The following UBE3C variants were observed in gnomAD, a reference collection of about 807,000 sequenced individuals.
UBE3C encodes ubiquitin protein ligase E3C.
A neutral mutation model predicts 129.4 loss-of-function variants in UBE3C; 42 were observed. The ratio of observed to expected loss-of-function variants is 0.32; its 90% CI spans 0.25 to 0.42. UBE3C has a LOEUF of 0.42. UBE3C is among the 10% of genes least tolerant of loss of function. The probability of loss-of-function intolerance (pLI) is 1.00; values close to 1 mark genes in which losing one functional copy is unlikely to be tolerated. For missense variants in UBE3C, 1,049 were observed against 1,319.1 expected (o/e 0.80, Z 3.17); for synonymous variants, 510 against 492.4 (o/e 1.04, Z -0.47).
At chr7:157,230,904 G>A (rs1443832421) in intron 17 of UBE3C, among the ~76,000 whole-genome samples, 176 bp from the exon 18 acceptor site, 1 of 152,122 alleles carries the variant, frequency 6.6e-6, no homozygotes, top group Non-Finnish European at 1.5e-5. Context: ...CAGCCTGGGT[G>A]ACGGAGCAAG....
chr7:157,177,567 G>A (rs547225250), intron 5 of UBE3C, among the ~76,000 whole-genome samples: 49 of 152,326 alleles, frequency 3.2e-4, no homozygotes, highest in African/African-American at 9.9e-4. Context: ...GCGTCCCAGC[G>A]GCTTGTTATG....
chr7:157,142,549 G>A (rs550734189), intron 1 of UBE3C, among the ~76,000 whole-genome samples: 8 of 152,288 alleles, frequency 5.3e-5, no homozygotes, highest in African/African-American at 1.9e-4. Context: ...GGTGGAAGAC[G>A]AGAAGGCATT....
intron 1 of UBE3C, among the ~76,000 whole-genome samples, chr7:157,147,567 T>TA (rs1331355578): frequency 2.0e-5 from 3 of 152,228 alleles, no homozygotes; most frequent in African/African-American, 7.2e-5. Context: ...TTTATTGTCT[T>TA]ACTGCATTAG....
rs1212354476 is a variant in UBE3C, at chr7:157,178,862, G to A, written c.616+15G>A. 2 of 1,611,654 alleles carry A rather than the reference G, an allele frequency of 1.2e-6. No individual in the cohort carries two copies. Among genetic ancestry groups the A allele is most frequent in the Admixed American group, 3.3e-5 (2 of 59,962 alleles). On this transcript the variant is annotated intron_variant, in intron 6 of 22. Transcript: ENST00000348165. ...GATTCACAATGGTAAGTAGTAGGCAGGATCAGAACTGTGGCTCAGCATCCT... is the reference window on the plus strand; with the variant it reads ...GATTCACAATGGTAAGTAGTAGGCAAGATCAGAACTGTGGCTCAGCATCCT...
chr7:157,218,295 A>G (rs1022742545), intron 14 of UBE3C, among the ~76,000 whole-genome samples: 1 of 152,098 alleles, frequency 6.6e-6, no homozygotes, highest in Non-Finnish European at 1.5e-5. Flanking sequence ...AAATAAAAAA[A>G]TTAGCCAGGC....
intron 16 of UBE3C, 137 bp downstream of exon 16, chr7:157,223,488 T>C: frequency 1.5e-6 from 1 of 668,300 alleles, no homozygotes; most frequent in Non-Finnish European, 2.4e-6. Flanking sequence ...TAGGCTGAAA[T>C]AGCTAAGAAT....
At chr7:157,202,794 A>G (rs568045150) in intron 11 of UBE3C, among the ~76,000 whole-genome samples, 1 of 152,390 alleles carries the variant, frequency 6.6e-6, no homozygotes, top group East Asian at 1.9e-4. Flanking sequence ...TGATAATAGC[A>G]GTCACTGTTA....
chr7:157,246,272 T>C lies in UBE3C; in HGVS notation c.2482-2096T>C, dbSNP rs899013560. Among the ~76,000 whole-genome samples the C allele has an allele frequency of 2.0e-5, 3 of 152,312 alleles. No individual in the cohort carries two copies. The East Asian group carries it at 5.8e-4, about 29-fold the overall frequency. On this transcript the variant is annotated intron_variant, in intron 18 of 22. Transcript: ENST00000348165. ...ATTATTACTAAATACGGTAACTGGT[T>C]GGAAGCTGTGACTAAGCAAAGGACT...
intron 17 of UBE3C, among the ~76,000 whole-genome samples, chr7:157,230,642 C>G (rs1795997298): frequency 6.8e-6 from 1 of 148,036 alleles, no homozygotes; most frequent in Admixed American, 6.9e-5. Flanking sequence ...TTGCAGTGAG[C>G]TGAGATGGCA....
chr7:157,178,509 A>C (rs757248172), intron 5 of UBE3C, among the ~76,000 whole-genome samples, 181 bp from the exon 6 acceptor site: 8 of 152,136 alleles, frequency 5.3e-5, no homozygotes, highest in Non-Finnish European at 1.0e-4. Flanking sequence ...TCTTTTAAAA[A>C]CTGTCTGAAT....
intron 18 of UBE3C, among the ~76,000 whole-genome samples, chr7:157,241,450 A>G (rs933637589): frequency 1.3e-5 from 2 of 152,214 alleles, no homozygotes. Flanking sequence ...CAAATGGGCC[A>G]TTGGTTCGTG....
At chr7:157,206,550 C>T (rs1235776286) in intron 11 of UBE3C, among the ~76,000 whole-genome samples, 32 of 151,954 alleles carry the variant, frequency 2.1e-4, no homozygotes, top group Admixed American at 2.1e-3. Context: ...GCGTGAGCCA[C>T]CATACCCAGC....
At position 157,256,974 on chromosome 7, in the gene UBE3C, C is replaced by T; in HGVS notation, c.3011C>T (p.Thr1004Ile). Residue 1004 changes from threonine (T) to isoleucine (I), a missense_variant, in exon 22 of 23, where the codon ACT becomes ATT. Physicochemically the swap from Thr to Ile is moderately conservative, Grantham distance 89. This residue lies in a region of UBE3C where 243 missense variants were observed against 368.7 expected (regional missense o/e 0.66). Transcript: ENST00000348165. ...TTCTGGAGAGTTGTGGAAGGGTTCA[C>T]TGATGAAGAAAAGCGCAAACTGCTG... ...KVFWRVVEGF[T>I]DEEKRKLLKF... 1.9e-6 allele frequency: 3 copies of T among 1,614,196 alleles called. No individual in the cohort carries two copies. The highest frequency in any genetic ancestry group is 2.5e-6 in the Non-Finnish European group (3 of 1,180,040).
At chr7:157,215,932 T>C (rs1251548658) in intron 13 of UBE3C, among the ~76,000 whole-genome samples, 3 of 152,226 alleles carry the variant, frequency 2.0e-5, no homozygotes, top group Non-Finnish European at 4.4e-5. Context: ...GGTTCCAAGG[T>C]GGCTAGTTGG....
intron 22 of UBE3C, among the ~76,000 whole-genome samples, chr7:157,264,541 T>C (rs1041106766): frequency 2.7e-5 from 4 of 145,698 alleles, no homozygotes; most frequent in African/African-American, 5.2e-5. Flanking sequence ...ACACCTGGTA[T>C]TACAGGTGTG....
intron 1 of UBE3C, among the ~76,000 whole-genome samples, chr7:157,144,638 C>G (rs555898740): frequency 6.6e-6 from 1 of 151,776 alleles, no homozygotes; most frequent in South Asian, 2.1e-4. Flanking sequence ...GTAGATCTGA[C>G]AATAGTGGGA....
chr7:157,253,876 A>T, intron 19 of UBE3C, 78 bp from the exon 20 acceptor site: 1 of 1,378,072 alleles, frequency 7.3e-7, no homozygotes, highest in Non-Finnish European at 9.8e-7. Flanking sequence ...TTTCCTTAAA[A>T]CATTTGTTTC....
chr7:157,170,194 C>T (rs1381564752), intron 3 of UBE3C, 110 bp from the exon 4 acceptor site: 18 of 914,302 alleles, frequency 2.0e-5, no homozygotes, highest in African/African-American at 3.7e-5. Context: ...ATGGTGTTTT[C>T]GTTGTCAATT....
chr7:157,139,698 C>T (rs567775096), intron 1 of UBE3C, among the ~76,000 whole-genome samples: 6 of 152,366 alleles, frequency 3.9e-5, no homozygotes, highest in African/African-American at 1.4e-4. Flanking sequence ...GCCGGTGAAC[C>T]CTGGCACGCT....
Sources: allele counts gnomAD v4.1 joint callset (sites outside exome capture counted in the v4.1 genomes callset), GRCh38; gene constraint gnomAD v4.1.1; regional missense constraint gnomAD v4.1.1; transcripts MANE v1.5; gene names NCBI Gene and HGNC (gene_info 2026-07-23, HGNC 2026-07-21).